STK17B: variants seen among roughly 807,000 people sequenced by gnomAD.
The protein encoded by STK17B is serine/threonine kinase 17b.
A neutral mutation model predicts 42.0 loss-of-function variants in STK17B; 21 were observed. The ratio of observed to expected loss-of-function variants is 0.50; its 90% CI spans 0.35 to 0.72. The LOEUF is 0.72. Among genes scored for constraint, STK17B ranks in the 30% least tolerant of loss-of-function variants. The pLI is 0.00. For missense variants in STK17B, 349 were observed against 446.0 expected (o/e 0.78, Z 1.96); for synonymous variants, 143 against 148.4 (o/e 0.96, Z 0.26).
At chr2:196,139,993 CA>C in intron 6 of STK17B, among the ~76,000 whole-genome samples, 194 bp from the exon 7 acceptor site, 1 of 152,222 alleles carries the variant, frequency 6.6e-6, no homozygotes, top group Middle Eastern at 3.4e-3. Flanking sequence ...AAAGAGAACA[CA>C]AGGGAATGCA....
upstream of STK17B, among the ~76,000 whole-genome samples, chr2:196,174,763 T>C (rs981435825): frequency 6.6e-6 from 1 of 152,254 alleles, no homozygotes; most frequent in Non-Finnish European, 1.5e-5. Flanking sequence ...CATTGCAATT[T>C]TGAAAGCACT....
At chr2:196,145,843 G>T (rs1699565191) in intron 4 of STK17B, 68 bp downstream of exon 4, 2 of 1,446,098 alleles carry the variant, frequency 1.4e-6, no homozygotes, top group Non-Finnish European at 1.8e-6. Flanking sequence ...ATACCAGTTT[G>T]CAACTGTGCA....
At chr2:196,167,437 TAGG>T (rs1173278964) in intron 1 of STK17B, among the ~76,000 whole-genome samples, 9 of 152,218 alleles carry the variant, frequency 5.9e-5, no homozygotes, top group African/African-American at 1.4e-4. Flanking sequence ...TTCGAGGGGT[TAGG>T]AGAACTTGAG....
In STK17B at chr2:196,133,597, T is replaced by C. The variant is rs1490055186; in HGVS notation, c.*3850A>G. 2 of 152,258 alleles carry C rather than the reference T, an allele frequency of 1.3e-5. No individual in the cohort carries two copies. The highest frequency in any genetic ancestry group is 2.9e-5 in the Non-Finnish European group (2 of 68,034). The allele number at this position is 152,258 out of a possible 1,614,324, so 9.4% of individuals were successfully genotyped here. ...TCAGATTTATATGCCTTTACAGATA[T>C]GTTTATTAGACACAAAGAGGGTTCA... On this transcript the variant is annotated 3_prime_UTR_variant, in exon 8 of 8. Transcript: ENST00000263955.
chr2:196,163,122 C>A, intron 2 of STK17B, 140 bp downstream of exon 2: 1 of 1,001,138 alleles, frequency 1.0e-6, no homozygotes, highest in Non-Finnish European at 1.5e-6. Flanking sequence ...AAGACTGGAC[C>A]CTAGGTAACA....
upstream of STK17B, chr2:196,174,233 C>T (rs1045954006): frequency 2.0e-5 from 3 of 152,208 alleles, no homozygotes; most frequent in East Asian, 1.9e-4. Flanking sequence ...GATGATCGTT[C>T]CCAGTCACTG....
At chr2:196,173,563 G>A (rs1699972063), upstream of STK17B, among the ~76,000 whole-genome samples, 1 of 152,222 alleles carries the variant, frequency 6.6e-6, no homozygotes, top group Non-Finnish European at 1.5e-5. Flanking sequence ...GTGCTGAGGA[G>A]GAGGCAGTAC....
Position 196,137,403 on chromosome 2 carries a change from T to C in STK17B, c.*44A>G, listed in dbSNP as rs774695844. 1 of 1,578,498 alleles carries C rather than the reference T, an allele frequency of 6.3e-7. No individual in the cohort carries two copies. The highest frequency in any genetic ancestry group is 1.2e-5 in the South Asian group (1 of 86,236). On this transcript the variant is annotated 3_prime_UTR_variant, in exon 8 of 8. Coordinates refer to ENST00000263955, the MANE Select transcript of STK17B (RefSeq NM_004226.4). ...CAAATCATAATCTCACTGGAGTGGA[T>C]ATAAAATTTCAAATTCAGTCCAAAT...
intron 1 of STK17B, among the ~76,000 whole-genome samples, chr2:196,164,831 A>G (rs1228100177): frequency 6.6e-6 from 1 of 152,232 alleles, no homozygotes; most frequent in Non-Finnish European, 1.5e-5. Flanking sequence ...TTAAAATTAT[A>G]GCTTTCACAT....
At chr2:196,159,960 T>C (rs1001907398) in intron 2 of STK17B, among the ~76,000 whole-genome samples, 3 of 152,162 alleles carry the variant, frequency 2.0e-5, no homozygotes, top group African/African-American at 7.2e-5. Context: ...TTATATACTA[T>C]GAAGGTAAAC....
At chr2:196,166,856 TAAG>T (rs1238876292) in intron 1 of STK17B, among the ~76,000 whole-genome samples, 2 of 152,324 alleles carry the variant, frequency 1.3e-5, no homozygotes, top group South Asian at 2.1e-4. Context: ...AATTATCAAA[TAAG>T]AAAGTTTTTA....
At chr2:196,164,288 C>T (rs1440276151) in intron 1 of STK17B, among the ~76,000 whole-genome samples, 1 of 152,060 alleles carries the variant, frequency 6.6e-6, no homozygotes, top group African/African-American at 2.4e-5. Context: ...CTTAAGAGTC[C>T]CTCCTTTGAC....
chr2:196,135,898 C>T lies in STK17B; in HGVS notation c.*1549G>A, dbSNP rs1699395914. 6.8e-6 allele frequency: 1 copy of T among 148,080 alleles called. No individual in the cohort carries two copies. The highest frequency in any genetic ancestry group is 6.8e-5 in the Admixed American group (1 of 14,728). 9.2% of individuals were successfully genotyped at this position (148,080 alleles called of 1,614,324 possible). A position where few individuals can be genotyped will look rare whatever the true frequency, so the allele number is the denominator to read the frequency against. On this transcript the variant is annotated 3_prime_UTR_variant, in exon 8 of 8. Coordinates refer to ENST00000263955, the MANE Select transcript of STK17B (RefSeq NM_004226.4). ...GTATCTATCTATAGATATATACATA[C>T]ACCTGTACATACACACATGTGCACA...
intron 3 of STK17B, among the ~76,000 whole-genome samples, chr2:196,150,813 T>C (rs1699655904): frequency 6.6e-6 from 1 of 152,204 alleles, no homozygotes; most frequent in Non-Finnish European, 1.5e-5. Context: ...ACAAAGTCCA[T>C]GGGATTTTAG....
intron 3 of STK17B, among the ~76,000 whole-genome samples, chr2:196,152,420 T>C (rs1699678489): frequency 6.6e-6 from 1 of 152,232 alleles, no homozygotes; most frequent in Non-Finnish European, 1.5e-5. Flanking sequence ...AAAGTGCCTT[T>C]TAAAAGTGAT....
At chr2:196,161,826 A>C (rs1181875706) in intron 2 of STK17B, among the ~76,000 whole-genome samples, 2 of 151,982 alleles carry the variant, frequency 1.3e-5, no homozygotes, top group Non-Finnish European at 2.9e-5. Context: ...AGATATTATA[A>C]TTCTTATTTT....
upstream of STK17B, among the ~76,000 whole-genome samples, chr2:196,172,399 TACTC>T: frequency 6.6e-6 from 1 of 152,356 alleles, no homozygotes; most frequent in East Asian, 1.9e-4. Flanking sequence ...GATACACACA[TACTC>T]ATACATATAT....
At chr2:196,174,298 C>G (rs1347986519), upstream of STK17B, 1 of 152,218 alleles carries the variant, frequency 6.6e-6, no homozygotes, top group Non-Finnish European at 1.5e-5. Flanking sequence ...ACGACACTCA[C>G]CATATTCTGT....
At chr2:196,172,040 T>C (rs1699954981), upstream of STK17B, among the ~76,000 whole-genome samples, 3 of 152,332 alleles carry the variant, frequency 2.0e-5, no homozygotes, top group Admixed American at 6.5e-5. Context: ...CTTGAGAGTC[T>C]TCCTTAGGAC....
Sources: allele counts gnomAD v4.1 joint callset (sites outside exome capture counted in the v4.1 genomes callset), GRCh38; gene constraint gnomAD v4.1.1; transcripts MANE v1.5; gene names NCBI Gene and HGNC (gene_info 2026-07-23, HGNC 2026-07-21).